The following NKAIN2 variants were observed in gnomAD, a reference collection of about 807,000 sequenced individuals.
NKAIN2 encodes the protein sodium/potassium transporting ATPase interacting 2, also known as sodium/potassium-transporting ATPase subunit beta-1-interacting protein 2.
Under a neutral mutation model 32.6 loss-of-function variants are expected in NKAIN2, and 14 were observed. The observed-to-expected ratio is 0.43, with a 90% confidence interval of 0.28 to 0.67. NKAIN2 has a LOEUF of 0.67. NKAIN2 is among the 30% of genes least tolerant of loss of function. The pLI is 0.17. For missense variants in NKAIN2, 198 were observed against 258.3 expected, an observed-to-expected ratio of 0.77 and a Z score of 1.60; for synonymous variants, 80 against 87.2, an observed-to-expected ratio of 0.92 and a Z score of 0.46.
chr6:124,337,498 C>T (rs1213711875), intron 2 of NKAIN2, among the ~76,000 whole-genome samples: 1 of 152,140 alleles, frequency 6.6e-6, no homozygotes, highest in East Asian at 1.9e-4. Context: ...GGGAGTGAGA[C>T]CCTGTCTCAA....
intron 2 of NKAIN2, among the ~76,000 whole-genome samples, chr6:124,285,292 ATCTT>A (rs566691802): frequency 5.1e-4 from 77 of 152,172 alleles, no homozygotes; most frequent in African/African-American, 1.8e-3. Context: ...CTGCTTGAAA[ATCTT>A]TCTTTAGCTC....
intron 3 of NKAIN2, among the ~76,000 whole-genome samples, chr6:124,398,012 G>A (rs1385386758): frequency 6.6e-6 from 1 of 151,902 alleles, no homozygotes; most frequent in African/African-American, 2.4e-5. Flanking sequence ...CCAGCACTTT[G>A]GGAGGCCGAG....
In NKAIN2 at chr6:124,241,638, G is replaced by A. The variant is rs1015179196; in HGVS notation, c.55-41367G>A. Among the ~76,000 whole-genome samples, 13 of 152,110 alleles carry A rather than the reference G, an allele frequency of 8.5e-5. No individual in the cohort carries two copies. In the South Asian group the frequency reaches 2.1e-3, roughly 24 times the overall value. On this transcript the variant is annotated intron_variant, in intron 1 of 6. Coordinates refer to ENST00000368417, the MANE Select transcript of NKAIN2 (RefSeq NM_001040214.3). ...GAAAAACCTGACAAAAACAAGCAAC[G>A]GGAAAGGATTCCCTGTTTAATAAAT...
intron 1 of NKAIN2, among the ~76,000 whole-genome samples, chr6:124,178,918 A>C (rs917382220): frequency 4.6e-5 from 7 of 152,212 alleles, no homozygotes; most frequent in African/African-American, 1.7e-4. Flanking sequence ...AAGGCCTCTA[A>C]ATGTGTTCCA....
At chr6:123,819,581 C>T (rs1021103898) in intron 1 of NKAIN2, among the ~76,000 whole-genome samples, 3 of 152,042 alleles carry the variant, frequency 2.0e-5, no homozygotes, top group Non-Finnish European at 2.9e-5. Flanking sequence ...TGGAGGATTC[C>T]GAGTCTTACT....
intron 3 of NKAIN2, among the ~76,000 whole-genome samples, chr6:124,600,755 T>C (rs1029254514): frequency 1.4e-4 from 21 of 152,232 alleles, no homozygotes; most frequent in Admixed American, 3.9e-4. Flanking sequence ...ATAGTTTTTT[T>C]GGAAAACAAA....
Position 124,293,616 on chromosome 6 carries a change from C to T in NKAIN2, c.192+10474C>T, listed in dbSNP as rs1795916070. Among the ~76,000 whole-genome samples, 3 of 152,050 alleles carry T rather than the reference C, an allele frequency of 2.0e-5. No individual in the cohort carries two copies. The South Asian group carries it at 6.2e-4, about 31-fold the overall frequency. On this transcript the variant is annotated intron_variant, in intron 2 of 6. Transcript: ENST00000368417. ...ATAATTGATCTTTTCAAATTTTCCA[C>T]TTCTTGAATGATTTTGGTGATATAA... is the stretch of plus-strand genomic sequence containing the variant.
At chr6:123,907,810 A>C (rs894561090) in intron 1 of NKAIN2, among the ~76,000 whole-genome samples, 15 of 152,026 alleles carry the variant, frequency 9.9e-5, no homozygotes, top group Admixed American at 9.8e-4. Context: ...ACTGAGTTGC[A>C]TGTCGGGAAA....
intron 1 of NKAIN2, among the ~76,000 whole-genome samples, chr6:124,114,330 T>A (rs957009353): frequency 6.6e-6 from 1 of 152,020 alleles, no homozygotes; most frequent in African/African-American, 2.4e-5. Flanking sequence ...ACATTTGGCC[T>A]TATCAATTAA....
chr6:123,970,133 A>G (rs1778271381), intron 1 of NKAIN2, among the ~76,000 whole-genome samples: 1 of 152,002 alleles, frequency 6.6e-6, no homozygotes, highest in African/African-American at 2.4e-5. Flanking sequence ...ATATGTATAA[A>G]TGTTTAAAAA....
At chr6:124,613,702 T>C (rs1458469768) in intron 3 of NKAIN2, among the ~76,000 whole-genome samples, 1 of 152,192 alleles carries the variant, frequency 6.6e-6, no homozygotes, top group Non-Finnish European at 1.5e-5. Context: ...AGTGAGTTCT[T>C]ACCTTCATCA....
At chr6:124,466,445 C>T (rs1328587971) in intron 3 of NKAIN2, among the ~76,000 whole-genome samples, 1 of 152,168 alleles carries the variant, frequency 6.6e-6, no homozygotes, top group East Asian at 1.9e-4. Flanking sequence ...CCCTTGGCCT[C>T]ATTTCAGCTT....
intron 4 of NKAIN2, among the ~76,000 whole-genome samples, chr6:124,787,220 G>A (rs747011503): frequency 2.6e-5 from 4 of 151,984 alleles, no homozygotes; most frequent in Non-Finnish European, 5.9e-5. Flanking sequence ...ATTCTTTAAG[G>A]TCAGCTTAAT....
chr6:124,814,489 C>T (rs1781056365), intron 5 of NKAIN2, among the ~76,000 whole-genome samples: 1 of 152,150 alleles, frequency 6.6e-6, no homozygotes, highest in Non-Finnish European at 1.5e-5. Context: ...CTTCCATACC[C>T]AGGCCATCAG....
intron 4 of NKAIN2, chr6:124,658,692 A>T: frequency 1.8e-6 from 1 of 564,790 alleles, no homozygotes; most frequent in Non-Finnish European, 3.0e-6. Context: ...TGAAGGGATG[A>T]TCAGAGATTT....
intron 4 of NKAIN2, among the ~76,000 whole-genome samples, chr6:124,739,230 G>A (rs1777088770): frequency 6.6e-6 from 1 of 151,786 alleles, no homozygotes; most frequent in Non-Finnish European, 1.5e-5. Flanking sequence ...CCAAGATCAA[G>A]GTTAGGCCAC....
At chr6:124,523,753 G>A (rs1039955659) in intron 3 of NKAIN2, among the ~76,000 whole-genome samples, 1 of 152,006 alleles carries the variant, frequency 6.6e-6, no homozygotes, top group East Asian at 1.9e-4. Flanking sequence ...AGGAGGAGAA[G>A]GAACAATGCT....
rs566616222 is a variant in NKAIN2, at chr6:123,994,394, A to G, written c.54+190140A>G. ...TTTCCCTCTCAATTCTGCCTTGGAGAGGACACATTTCTGTGCCCTTTCCAG... is the reference window on the plus strand; with the variant it reads ...TTTCCCTCTCAATTCTGCCTTGGAGGGGACACATTTCTGTGCCCTTTCCAG... On this transcript the variant is annotated intron_variant, in intron 1 of 6. Transcript: ENST00000368417. 4.6e-5 allele frequency among the ~76,000 whole-genome samples: 7 copies of G among 152,192 alleles called. No individual in the cohort carries two copies. In the South Asian group the frequency reaches 1.5e-3, roughly 32 times the overall value.
At chr6:123,968,685 TATATCA>T (rs1344237213) in intron 1 of NKAIN2, among the ~76,000 whole-genome samples, 1 of 152,158 alleles carries the variant, frequency 6.6e-6, no homozygotes, top group African/African-American at 2.4e-5. Context: ...ATGATAAACT[TATATCA>T]TTGCCTGAAG....
Sources: gnomAD v4.1 joint callset for allele counts (sites outside exome capture counted in the v4.1 genomes callset) on GRCh38, gnomAD v4.1.1 for gene constraint, MANE v1.5 for transcripts, NCBI Gene and HGNC (gene_info 2026-07-23, HGNC 2026-07-21) for gene names.